Variants in MRTFA observed in about 807,000 individuals in gnomAD.
MRTFA encodes myocardin-related transcription factor A.
A neutral mutation model predicts 83.5 loss-of-function variants in MRTFA; 20 were observed. The ratio of observed to expected loss-of-function variants is 0.24; its 90% CI spans 0.17 to 0.35. The LOEUF (loss-of-function observed/expected upper bound fraction) is 0.35. MRTFA is among the 10% of genes least tolerant of loss of function. The pLI is 1.00. For missense variants in MRTFA, 1,200 were observed against 1,224.7 expected (o/e 0.98, Z 0.30); for synonymous variants, 659 against 541.2 (o/e 1.22, Z -3.02).
intron 3 of MRTFA, among the ~76,000 whole-genome samples, chr22:40,469,545 G>A (rs1239764044): frequency 6.6e-6 from 1 of 152,082 alleles, no homozygotes; most frequent in Admixed American, 6.5e-5. Flanking sequence ...CCAGCCTCAT[G>A]TACCCCTTTT....
At chr22:40,587,621 G>T in intron 2 of MRTFA, 1 of 304,386 alleles carries the variant, frequency 3.3e-6, no homozygotes, top group Non-Finnish European at 6.6e-6. Flanking sequence ...GCAGCCAGGG[G>T]AGAACAGATA....
At chr22:40,499,783 T>C (rs1435044444) in intron 3 of MRTFA, among the ~76,000 whole-genome samples, 2 of 152,154 alleles carry the variant, frequency 1.3e-5, no homozygotes, top group African/African-American at 4.8e-5. Flanking sequence ...CCTGACACCT[T>C]AAGGGTCAAA....
chr22:40,427,204 C>G (rs1417344150), intron 7 of MRTFA, among the ~76,000 whole-genome samples: 1 of 152,166 alleles, frequency 6.6e-6, no homozygotes, highest in Non-Finnish European at 1.5e-5. Context: ...TGGCCTATAA[C>G]TAGGGGCTGC....
chr22:40,583,912 G>C (rs2055986121), intron 2 of MRTFA, among the ~76,000 whole-genome samples: 2 of 152,314 alleles, frequency 1.3e-5, no homozygotes, highest in Non-Finnish European at 2.9e-5. Context: ...GCAGTTCACA[G>C]AAAGTGCACA....
chr22:40,417,193 T>C, intron 13 of MRTFA, 147 bp from the exon 14 acceptor site: 1 of 1,362,626 alleles, frequency 7.3e-7, no homozygotes. Flanking sequence ...CTGGAGCCCG[T>C]CCCCTAACAA....
chr22:40,571,771 A>C (rs1049935414), intron 2 of MRTFA, among the ~76,000 whole-genome samples: 2 of 151,744 alleles, frequency 1.3e-5, no homozygotes, highest in Non-Finnish European at 2.9e-5. Context: ...ACCAAAAAAA[A>C]AAAGCAGCCG....
chr22:40,600,291 C>T (rs1032250372), intron 1 of MRTFA, among the ~76,000 whole-genome samples: 2 of 152,124 alleles, frequency 1.3e-5, no homozygotes, highest in South Asian at 4.1e-4. Flanking sequence ...ATGACTAAAG[C>T]GATCCAAGAG....
At chr22:40,611,660 G>T (rs2056389689) in intron 1 of MRTFA, among the ~76,000 whole-genome samples, 1 of 152,124 alleles carries the variant, frequency 6.6e-6, no homozygotes, top group South Asian at 2.1e-4. Flanking sequence ...CTTGACCAAG[G>T]TTAGAGAAAT....
chr22:40,601,646 AT>A (rs1485676478), intron 1 of MRTFA, among the ~76,000 whole-genome samples: 1 of 152,206 alleles, frequency 6.6e-6, no homozygotes, highest in Non-Finnish European at 1.5e-5. Flanking sequence ...ACAAAAAAAA[AT>A]ACTCATCGTT....
intron 3 of MRTFA, among the ~76,000 whole-genome samples, chr22:40,517,886 A>G (rs1359999304): frequency 6.6e-6 from 1 of 152,100 alleles, no homozygotes; most frequent in Non-Finnish European, 1.5e-5. Flanking sequence ...TGGGGATGCA[A>G]GAGGGGCTGG....
At chr22:40,491,648 C>T (rs951977724) in intron 3 of MRTFA, among the ~76,000 whole-genome samples, 1 of 152,186 alleles carries the variant, frequency 6.6e-6, no homozygotes, top group African/African-American at 2.4e-5. Flanking sequence ...ATCTGACCCA[C>T]ATAAAGAGTA....
At chr22:40,513,945 A>C (rs1569305742) in intron 3 of MRTFA, among the ~76,000 whole-genome samples, 1 of 146,738 alleles carries the variant, frequency 6.8e-6, no homozygotes, top group Non-Finnish European at 1.5e-5. Context: ...TAAAGTAATA[A>C]TTTTTTTTTT....
intron 3 of MRTFA, chr22:40,522,075 G>C (rs910478454): frequency 6.6e-6 from 1 of 152,208 alleles, no homozygotes; most frequent in South Asian, 2.1e-4. Flanking sequence ...GGATGGTCTC[G>C]ATCTCCTGAC....
chr22:40,586,998 C>A, intron 2 of MRTFA: 1 of 467,596 alleles, frequency 2.1e-6, no homozygotes, highest in East Asian at 6.5e-5. Flanking sequence ...CTGGCAAAGC[C>A]TGGTGTTGCA....
chr22:40,416,088 C>T lies in MRTFA; in HGVS notation c.2578+898G>A, dbSNP rs1022523141. Among the ~76,000 whole-genome samples the T allele has an allele frequency of 5.9e-5, 9 of 152,200 alleles. No individual in the cohort carries two copies. The highest frequency in any genetic ancestry group is 1.9e-4 in the African/African-American group (8 of 41,442). Reference sequence around the variant, plus strand: ...GAACCCTCCATTCGGTCTCGTGACACACCCCATCAGGGACCGCGCAATGTG... The same window carrying T: ...GAACCCTCCATTCGGTCTCGTGACATACCCCATCAGGGACCGCGCAATGTG... On this transcript the variant is annotated intron_variant, in intron 14 of 14. Transcript: ENST00000355630. This position sits in a 1 kb window ranked among gnomAD's most constrained non-coding sequence, Gnocchi z 4.2.
At chr22:40,475,310 G>A (rs1453897822) in intron 3 of MRTFA, among the ~76,000 whole-genome samples, 1 of 151,882 alleles carries the variant, frequency 6.6e-6, no homozygotes, top group Non-Finnish European at 1.5e-5. Flanking sequence ...GGCTGAGGTG[G>A]GCGGATCACC....
chr22:40,511,952 TA>T (rs1233908028), intron 3 of MRTFA, among the ~76,000 whole-genome samples: 1 of 152,198 alleles, frequency 6.6e-6, no homozygotes, highest in African/African-American at 2.4e-5. Context: ...CCAATATATT[TA>T]TTTTATGCTT....
chr22:40,416,039 C>T lies in MRTFA; in HGVS notation c.2578+947G>A, dbSNP rs2052672133. 6.6e-6 allele frequency among the ~76,000 whole-genome samples: 1 copy of T among 152,340 alleles called. No individual in the cohort carries two copies. Among genetic ancestry groups the T allele is most frequent in the East Asian group, 1.9e-4 (1 of 5,188 alleles). Reference sequence around the variant, plus strand: ...CCAGCCCAGACCTCTCTCACAAATGCCACTTGATGTCAACTGTCCCTGTGA... The same window carrying T: ...CCAGCCCAGACCTCTCTCACAAATGTCACTTGATGTCAACTGTCCCTGTGA... On this transcript the variant is annotated intron_variant, in intron 14 of 14. Transcript: ENST00000355630. This position sits in a 1 kb window ranked among gnomAD's most constrained non-coding sequence, Gnocchi z 4.2.
chr22:40,531,293 T>G (rs1442681335), intron 3 of MRTFA, among the ~76,000 whole-genome samples: 1 of 149,894 alleles, frequency 6.7e-6, no homozygotes, highest in Non-Finnish European at 1.5e-5. Flanking sequence ...TTTAATTTTT[T>G]GTAGAGATGG....
Sources: allele counts gnomAD v4.1 joint callset (sites outside exome capture counted in the v4.1 genomes callset), GRCh38; gene constraint gnomAD v4.1.1; non-coding constraint Gnocchi (gnomAD v3.1); transcripts MANE v1.5; gene names NCBI Gene and HGNC (gene_info 2026-07-23, HGNC 2026-07-21).